RFX7: variants seen among roughly 807,000 people sequenced by gnomAD.
The protein encoded by RFX7 is DNA-binding protein RFX7.
RFX7 carries 26 observed loss-of-function variants against 111.8 expected under a neutral mutation model. The observed-to-expected ratio is 0.23, with a 90% CI of 0.17 to 0.32. The LOEUF (loss-of-function observed/expected upper bound fraction) is 0.32. Among genes scored for constraint, RFX7 ranks in the 10% least tolerant of loss-of-function variants. The pLI is 1.00. For synonymous variants in RFX7, 624 were observed against 624.4 expected (o/e 1.00, Z 0.01); for missense variants, 1,573 against 1,772.9 (o/e 0.89, Z 2.02).
At chr15:56,149,312 C>T (rs2042533247) in intron 3 of RFX7, among the ~76,000 whole-genome samples, 1 of 152,180 alleles carries the variant, frequency 6.6e-6, no homozygotes, top group Non-Finnish European at 1.5e-5. Flanking sequence ...TTAGTTACAA[C>T]ATCATAGATT....
intron 3 of RFX7, among the ~76,000 whole-genome samples, chr15:56,145,701 CTT>C (rs561545297): frequency 2.0e-5 from 3 of 152,134 alleles, no homozygotes; most frequent in Non-Finnish European, 4.4e-5. Context: ...GTGTTTAACT[CTT>C]TTTCTCTTGG....
At chr15:56,104,438 C>T (rs545722965) in intron 5 of RFX7, among the ~76,000 whole-genome samples, 3 of 152,276 alleles carry the variant, frequency 2.0e-5, no homozygotes, top group South Asian at 2.1e-4. Context: ...AGAACCACTA[C>T]CTGGGAAATA....
intron 5 of RFX7, among the ~76,000 whole-genome samples, chr15:56,104,186 T>A (rs144081681): frequency 0.011 from 1,725 of 152,130 alleles, 35 homozygotes; most frequent in African/African-American, 0.039. Context: ...AGGGGAGAGG[T>A]TCCAAAGGTC....
chr15:56,169,137 A>G (rs1211147352), intron 3 of RFX7, among the ~76,000 whole-genome samples: 1 of 152,230 alleles, frequency 6.6e-6, no homozygotes, highest in East Asian at 1.9e-4. Context: ...AAGAAACTCA[A>G]GAAGAGCACT....
intron 5 of RFX7, among the ~76,000 whole-genome samples, chr15:56,129,662 C>T (rs2042188154): frequency 6.6e-6 from 1 of 152,066 alleles, no homozygotes; most frequent in Non-Finnish European, 1.5e-5. Context: ...AGCAGTCGCC[C>T]AGGGTAGGTG....
chr15:56,143,717 A>C (rs781015409), intron 4 of RFX7, among the ~76,000 whole-genome samples: 1 of 152,198 alleles, frequency 6.6e-6, no homozygotes, highest in Non-Finnish European at 1.5e-5. Context: ...AACAGTGATA[A>C]AAGTTGGTCT....
chr15:56,154,422 C>A (rs541220936), intron 3 of RFX7, among the ~76,000 whole-genome samples: 1 of 152,240 alleles, frequency 6.6e-6, no homozygotes, highest in African/African-American at 2.4e-5. Flanking sequence ...GGTACTGGTG[C>A]CAAAACAAAT....
chr15:56,128,575 C>G (rs780562720), intron 5 of RFX7, among the ~76,000 whole-genome samples: 16 of 152,070 alleles, frequency 1.1e-4, no homozygotes, highest in Non-Finnish European at 7.4e-5. Context: ...CAAAGGCCAT[C>G]GATAAAAACC....
At chr15:56,150,823 A>C (rs2042559209) in intron 3 of RFX7, among the ~76,000 whole-genome samples, 1 of 152,186 alleles carries the variant, frequency 6.6e-6, no homozygotes, top group Non-Finnish European at 1.5e-5. Context: ...ACCTTGAAAA[A>C]AGGTTAGTTG....
At chr15:56,140,948 T>C (rs1445943991) in intron 5 of RFX7, among the ~76,000 whole-genome samples, 2 of 152,156 alleles carry the variant, frequency 1.3e-5, no homozygotes, top group Admixed American at 6.5e-5. Flanking sequence ...TAAGGTATCA[T>C]GAAGGGTGGT....
At chr15:56,106,876 G>A (rs1365898462) in intron 5 of RFX7, among the ~76,000 whole-genome samples, 3 of 151,990 alleles carry the variant, frequency 2.0e-5, no homozygotes, top group Admixed American at 6.6e-5. Flanking sequence ...GCTTCACAAC[G>A]TTAACTGCAG....
intron 2 of RFX7, among the ~76,000 whole-genome samples, chr15:56,224,296 AT>A (rs1248774575): frequency 1.3e-5 from 2 of 152,288 alleles, no homozygotes; most frequent in South Asian, 4.1e-4. Context: ...TAAGCAAGCA[AT>A]TTTAAAGTAA....
At chr15:56,151,370 AC>A (rs2042567182) in intron 3 of RFX7, among the ~76,000 whole-genome samples, 1 of 152,186 alleles carries the variant, frequency 6.6e-6, no homozygotes, top group Non-Finnish European at 1.5e-5. Context: ...CTCGGCAGAA[AC>A]CCTACAAGCC....
At chr15:56,155,435 T>TA (rs2042639861) in intron 3 of RFX7, among the ~76,000 whole-genome samples, 1 of 151,974 alleles carries the variant, frequency 6.6e-6, no homozygotes, top group Non-Finnish European at 1.5e-5. Flanking sequence ...TATACAGCCA[T>TA]AAAAAAGGAT....
At chr15:56,174,050 G>T (rs1441243743) in intron 3 of RFX7, among the ~76,000 whole-genome samples, 1 of 151,668 alleles carries the variant, frequency 6.6e-6, no homozygotes, top group African/African-American at 2.4e-5. Flanking sequence ...GGCTGAGGTG[G>T]GTGCATCACC....
At chr15:56,113,236 A>G (rs1475061409) in intron 5 of RFX7, among the ~76,000 whole-genome samples, 1 of 152,240 alleles carries the variant, frequency 6.6e-6, no homozygotes, top group Non-Finnish European at 1.5e-5. Context: ...ACAATAGCAA[A>G]AACATAGAAC....
chr15:56,217,785 T>C (rs1198995668), intron 2 of RFX7, among the ~76,000 whole-genome samples: 1 of 152,216 alleles, frequency 6.6e-6, no homozygotes, highest in Non-Finnish European at 1.5e-5. Flanking sequence ...GGTAGCAACA[T>C]ATTCAGGCAT....
chr15:56,154,476 G>A (rs151298339), intron 3 of RFX7, among the ~76,000 whole-genome samples: 4,871 of 152,104 alleles, frequency 0.032, 274 homozygotes, highest in African/African-American at 0.11. Context: ...AAATAACTCC[G>A]CATATCTACA....
intron 2 of RFX7, among the ~76,000 whole-genome samples, chr15:56,200,440 G>C (rs2043183313): frequency 6.6e-6 from 1 of 152,138 alleles, no homozygotes; most frequent in South Asian, 2.1e-4. Context: ...ATTGCACAGT[G>C]GGGAAAACAA....
Sources: allele counts gnomAD v4.1 joint callset (sites outside exome capture counted in the v4.1 genomes callset), GRCh38; gene constraint gnomAD v4.1.1; transcripts MANE v1.5; gene names NCBI Gene and HGNC (gene_info 2026-07-23, HGNC 2026-07-21).